SPTBN1: variants seen among roughly 807,000 people sequenced by gnomAD.
The protein encoded by SPTBN1 is spectrin beta, non-erythrocytic 1.
A neutral mutation model predicts 266.4 loss-of-function variants in SPTBN1; 32 were observed. That is an observed-to-expected ratio of 0.12 (90% CI 0.09 to 0.16). The LOEUF (loss-of-function observed/expected upper bound fraction) is 0.16, where lower values mean the gene tolerates loss of function less well. SPTBN1 is among the 10% of genes least tolerant of loss of function. The pLI is 1.00. For missense variants in SPTBN1, 2,296 were observed against 3,067.1 expected (o/e 0.75, Z 5.94); for synonymous variants, 1,336 against 1,162.2 (o/e 1.15, Z -3.04).
rs576999220 is a variant in SPTBN1 at position 54,666,605 on chromosome 2, C to G, written c.6833+517C>G. On this transcript the variant is annotated intron_variant, in intron 34 of 35. Transcript: ENST00000356805. ...GATGCTCCAGCTGTCTCAGAACCATCTAGTTCCAAATGTCTCTACCCTGTA... is the reference window on the plus strand; with the variant it reads ...GATGCTCCAGCTGTCTCAGAACCATGTAGTTCCAAATGTCTCTACCCTGTA... Among the ~76,000 whole-genome samples the G allele has an allele frequency of 2.6e-5, 4 of 152,348 alleles. No individual in the cohort carries two copies. In the South Asian group the frequency reaches 6.2e-4, roughly 24 times the overall value.
chr2:54,631,479 G>A lies in SPTBN1; in HGVS notation c.3432G>A (p.Leu1144=), dbSNP rs780581922. 19 of 1,614,122 alleles carry A rather than the reference G, an allele frequency of 1.2e-5. No individual in the cohort carries two copies. The Admixed American group carries it at 3.2e-4, about 27-fold the overall frequency. The change falls in exon 16 of 36, where the codon CTG becomes CTA. Residue 1144 remains leucine, a synonymous_variant. Coordinates refer to ENST00000356805, the MANE Select transcript of SPTBN1 (RefSeq NM_003128.3). ...DAQYMFLRQR[L]QALDTGWNEL... ...AGTACATGTTTCTGCGGCAGCGGCT[G>A]CAGGCCCTGGACACTGGATGGAACG...
At chr2:54,571,560 C>CACACACACACATAA (rs1674080043) in intron 2 of SPTBN1, among the ~76,000 whole-genome samples, 1 of 72,998 alleles carries the variant, frequency 1.4e-5, no homozygotes, top group Admixed American at 1.4e-4. Flanking sequence ...CACACACACA[C>CACACACACACATAA]ACACACACAC....
In SPTBN1 at chr2:54,626,919, T is replaced by A. The variant is rs1472355061; in HGVS notation, c.1644+685T>A. 6.6e-6 allele frequency among the ~76,000 whole-genome samples: 1 copy of A among 152,224 alleles called. No homozygotes were observed. Among genetic ancestry groups the A allele is most frequent in the Non-Finnish European group, 1.5e-5 (1 of 68,040 alleles). On this transcript the variant is annotated intron_variant, in intron 12 of 35. Coordinates refer to ENST00000356805, the MANE Select transcript of SPTBN1 (RefSeq NM_003128.3). The surrounding 1 kb of genome is among the most constrained non-coding windows in gnomAD (Gnocchi z 4.7). ...GAGACCTGCTATCATGCCATGGCCC[T>A]GTACCTGTTCATGTCCTCCAATGCA...
intron 2 of SPTBN1, among the ~76,000 whole-genome samples, chr2:54,552,387 A>T (rs1573396078): frequency 6.6e-6 from 1 of 152,234 alleles, no homozygotes; most frequent in African/African-American, 2.4e-5. Context: ...TCCCATTATT[A>T]TGCCAACTTT....
chr2:54,644,180 G>C (rs1291181660), intron 19 of SPTBN1, 143 bp from the exon 20 acceptor site: 2 of 991,410 alleles, frequency 2.0e-6, no homozygotes, highest in African/African-American at 1.6e-5. Flanking sequence ...TGATTTTATT[G>C]AGCAGTAACT....
At chr2:54,483,842 T>C (rs1370797623) in intron 1 of SPTBN1, among the ~76,000 whole-genome samples, 2 of 152,210 alleles carry the variant, frequency 1.3e-5, no homozygotes, top group East Asian at 1.9e-4. Flanking sequence ...GCAGACCTTA[T>C]TGCCTTCTTG....
intron 1 of SPTBN1, among the ~76,000 whole-genome samples, chr2:54,473,669 T>G (rs1210725242): frequency 6.6e-6 from 1 of 152,200 alleles, no homozygotes; most frequent in Non-Finnish European, 1.5e-5. Flanking sequence ...AGTTTTCACC[T>G]CCCACCATCT....
chr2:54,576,810 G>T (rs1309365068), intron 2 of SPTBN1, among the ~76,000 whole-genome samples: 1 of 152,212 alleles, frequency 6.6e-6, no homozygotes, highest in African/African-American at 2.4e-5. Context: ...GACAGCCACG[G>T]TCTCAAATTA....
chr2:54,465,770 C>T (rs1693605764), intron 1 of SPTBN1, among the ~76,000 whole-genome samples: 1 of 151,120 alleles, frequency 6.6e-6, no homozygotes, highest in East Asian at 1.9e-4. Context: ...TTTATAGAGA[C>T]AGTATTTTGA....
chr2:54,654,266 A>C (rs1427963421), intron 27 of SPTBN1, among the ~76,000 whole-genome samples: 1 of 151,952 alleles, frequency 6.6e-6, no homozygotes, highest in Non-Finnish European at 1.5e-5. Flanking sequence ...ATTAAAGACC[A>C]CTCTATCCCT....
At chr2:54,464,293 A>T (rs1349301911) in intron 1 of SPTBN1, among the ~76,000 whole-genome samples, 1 of 152,230 alleles carries the variant, frequency 6.6e-6, no homozygotes, top group Non-Finnish European at 1.5e-5. Flanking sequence ...AATGGAACAT[A>T]ATCAAATAAA....
intron 1 of SPTBN1, among the ~76,000 whole-genome samples, chr2:54,503,536 G>A (rs1669388499): frequency 6.6e-6 from 1 of 152,176 alleles, no homozygotes; most frequent in Admixed American, 6.5e-5. Context: ...AAGTGTCCAA[G>A]GGTTAGAAAT....
chr2:54,652,350 T>C (rs1680355946), intron 26 of SPTBN1, among the ~76,000 whole-genome samples: 1 of 152,170 alleles, frequency 6.6e-6, no homozygotes, highest in South Asian at 2.1e-4. Flanking sequence ...AGAAAAATAT[T>C]ATGCACGTTG....
At chr2:54,470,810 A>C (rs537774214) in intron 1 of SPTBN1, among the ~76,000 whole-genome samples, 457 of 152,142 alleles carry the variant, frequency 3.0e-3, no homozygotes, top group Middle Eastern at 0.014. Context: ...CCTGTCTCAA[A>C]CCCCACACTG....
chr2:54,514,143 C>T (rs888838823), intron 1 of SPTBN1, among the ~76,000 whole-genome samples: 1 of 152,150 alleles, frequency 6.6e-6, no homozygotes, highest in African/African-American at 2.4e-5. Context: ...GCAGTTTGCT[C>T]TGTAAAATGG....
In SPTBN1 at chr2:54,645,708, C is replaced by T. The variant is rs1043875181; in HGVS notation, c.4495-220C>T. 2.6e-5 allele frequency among the ~76,000 whole-genome samples: 4 copies of T among 152,108 alleles called. No individual in the cohort carries two copies. The highest frequency in any genetic ancestry group is 4.2e-4 in the South Asian group (2 of 4,818). On this transcript the variant is annotated intron_variant, in intron 21 of 35. Transcript: ENST00000356805. The surrounding 1 kb of genome is among the most constrained non-coding windows in gnomAD (Gnocchi z 4.3). ...ACAGACTTTTTAAAAGTAATGAGGA[C>T]TCACAGTGAGTTTGACCTTGAGGAT... is the stretch of plus-strand genomic sequence containing the variant.
At chr2:54,529,182 G>T (rs975506658) in intron 2 of SPTBN1, among the ~76,000 whole-genome samples, 2 of 152,164 alleles carry the variant, frequency 1.3e-5, no homozygotes, top group Admixed American at 6.5e-5. Flanking sequence ...GCCCTGGCTT[G>T]GGGATCACAT....
intron 2 of SPTBN1, among the ~76,000 whole-genome samples, chr2:54,561,837 T>A (rs1678129813): frequency 7.0e-6 from 1 of 142,588 alleles, no homozygotes; most frequent in Non-Finnish European, 1.5e-5. Context: ...TTGTAGAGAT[T>A]TATAGTTTGT....
intron 2 of SPTBN1, among the ~76,000 whole-genome samples, chr2:54,562,527 C>CTT (rs1553447702): frequency 6.1e-4 from 39 of 64,008 alleles, no homozygotes; most frequent in African/African-American, 5.1e-3. Context: ...CTTTTCTTTT[C>CTT]TTTTTCTTTT....
Sources: gnomAD v4.1 joint callset for allele counts (sites outside exome capture counted in the v4.1 genomes callset) on GRCh38, gnomAD v4.1.1 for gene constraint, Gnocchi (gnomAD v3.1) non-coding constraint, MANE v1.5 for transcripts, NCBI Gene and HGNC (gene_info 2026-07-23, HGNC 2026-07-21) for gene names.